Variants in SNX8 observed in about 807,000 individuals in gnomAD.
SNX8 encodes sorting nexin-8.
A neutral mutation model predicts 51.6 loss-of-function variants in SNX8; 25 were observed. The ratio of observed to expected loss-of-function variants is 0.48; its 90% CI spans 0.35 to 0.68. The LOEUF (loss-of-function observed/expected upper bound fraction) is 0.68. SNX8 is among the 30% of genes least tolerant of loss of function. The probability of loss-of-function intolerance (pLI) is 0.00; values close to 1 mark genes in which losing one functional copy is unlikely to be tolerated. For missense variants in SNX8, 695 were observed against 624.0 expected, an observed-to-expected ratio of 1.11 and a Z score of -1.21; for synonymous variants, 324 against 277.0, an observed-to-expected ratio of 1.17 and a Z score of -1.68.
At chr7:2,314,481 G>A (rs1351196194), upstream of SNX8, 4 of 1,179,674 alleles carry the variant, frequency 3.4e-6, no homozygotes, top group African/African-American at 3.2e-5. Context: ...GCCCTGCCGC[G>A]CCGCGCCCTC....
At chr7:2,260,979 C>A (rs1795321284) in intron 7 of SNX8, among the ~76,000 whole-genome samples, 1 of 152,254 alleles carries the variant, frequency 6.6e-6, no homozygotes, top group Admixed American at 6.5e-5. Flanking sequence ...GAGTGATGCT[C>A]ATCCTGAGCT....
intron 1 of SNX8, among the ~76,000 whole-genome samples, chr7:2,350,799 G>A (rs1379588537): frequency 6.6e-6 from 1 of 151,892 alleles, no homozygotes; most frequent in Non-Finnish European, 1.5e-5. Flanking sequence ...GGCGCCTGCG[G>A]CCACACCCGG....
intron 1 of SNX8, among the ~76,000 whole-genome samples, chr7:2,304,588 G>T (rs1292405222): frequency 6.6e-6 from 1 of 152,030 alleles, no homozygotes; most frequent in African/African-American, 2.4e-5. Flanking sequence ...GGGCAGATGG[G>T]AATACGGTCC....
intron 7 of SNX8, among the ~76,000 whole-genome samples, chr7:2,258,423 C>T (rs1562420751): frequency 6.6e-6 from 1 of 152,128 alleles, no homozygotes; most frequent in African/African-American, 2.4e-5. Flanking sequence ...TTCGCAAAGC[C>T]GGCGACTCTC....
At chr7:2,284,615 A>G (rs1208604135) in intron 1 of SNX8, among the ~76,000 whole-genome samples, 2 of 151,242 alleles carry the variant, frequency 1.3e-5, no homozygotes, top group African/African-American at 2.4e-5. Context: ...CACGTTGGCC[A>G]GGCTGGTCTC....
At chr7:2,315,148 T>G (rs1796733523), upstream of SNX8, among the ~76,000 whole-genome samples, 1 of 151,706 alleles carries the variant, frequency 6.6e-6, no homozygotes, top group African/African-American at 2.4e-5. Flanking sequence ...ACTCACTCAC[T>G]GCATCCTGCA....
chr7:2,270,078 C>T (rs928778796), intron 4 of SNX8, among the ~76,000 whole-genome samples: 1 of 152,084 alleles, frequency 6.6e-6, no homozygotes, highest in Non-Finnish European at 1.5e-5. Context: ...CCTGGGAATG[C>T]ATCCATGGCG....
intron 1 of SNX8, among the ~76,000 whole-genome samples, chr7:2,281,937 C>G (rs1562436370): frequency 6.6e-6 from 1 of 152,158 alleles, no homozygotes; most frequent in Non-Finnish European, 1.5e-5. Context: ...CCTCCCCACT[C>G]CAACCCTTCT....
chr7:2,253,635 C>T lies in SNX8; in HGVS notation c.*1421G>A. On this transcript the variant is annotated 3_prime_UTR_variant, in exon 11 of 11. Transcript: ENST00000222990. ...AGCAGAACCCACAGGGCAGGGCAGGCTGGGCCCGAGCCCCACAGCCACCGA... is the reference window on the plus strand; with the variant it reads ...AGCAGAACCCACAGGGCAGGGCAGGTTGGGCCCGAGCCCCACAGCCACCGA... 6.5e-6 allele frequency: 1 copy of T among 152,928 alleles called. No individual in the cohort carries two copies. Among genetic ancestry groups the T allele is most frequent in the Non-Finnish European group, 1.5e-5 (1 of 68,548 alleles). 9.5% of individuals were successfully genotyped at this position (152,928 alleles called of 1,614,324 possible).
At chr7:2,348,902 G>C (rs190706959) in intron 1 of SNX8, among the ~76,000 whole-genome samples, 6 of 137,786 alleles carry the variant, frequency 4.4e-5, no homozygotes, top group Non-Finnish European at 9.1e-5. Flanking sequence ...AGTGAGCAGA[G>C]ATTGTGCCAC....
intron 1 of SNX8, among the ~76,000 whole-genome samples, chr7:2,339,865 C>G (rs1583123950): frequency 6.6e-6 from 1 of 151,990 alleles, no homozygotes; most frequent in Non-Finnish European, 1.5e-5. Context: ...AGAAACGGAA[C>G]CATGTATTTT....
At chr7:2,264,540 C>G in intron 5 of SNX8, 82 bp from the exon 6 acceptor site, 1 of 1,448,610 alleles carries the variant, frequency 6.9e-7, no homozygotes, top group Non-Finnish European at 9.3e-7. Context: ...CCCCCAGAAG[C>G]TGAGCCACGG....
At chr7:2,336,799 A>G (rs12699843) in intron 1 of SNX8, among the ~76,000 whole-genome samples, 78,760 of 151,484 alleles carry the variant, frequency 0.52, 20,707 homozygotes, top group East Asian at 0.76. Flanking sequence ...TTGAGGTCAG[A>G]AGTTCGAGAG....
At chr7:2,256,786 C>A (rs1168000862) in intron 10 of SNX8, 88 bp downstream of exon 10, 1 of 1,406,270 alleles carries the variant, frequency 7.1e-7, no homozygotes, top group Non-Finnish European at 9.6e-7. Flanking sequence ...CTAGGGCGGC[C>A]GGCCACCGCG....
rs558071695 is a variant in SNX8, at chr7:2,352,001, G to T, written c.-66+2221C>A. Reference sequence around the variant, plus strand: ...CCGCTCACTACGCCCTCTGCCTCCAGGGTACAAGTGATTCTCCCGCCTCAG... The same window carrying T: ...CCGCTCACTACGCCCTCTGCCTCCATGGTACAAGTGATTCTCCCGCCTCAG... On this transcript the variant is annotated intron_variant, in intron 1 of 5. Coordinates refer to the SNX8 transcript ENST00000435336. Among the ~76,000 whole-genome samples, 16 of 144,288 alleles carry T rather than the reference G, an allele frequency of 1.1e-4. No individual in the cohort carries two copies. The East Asian group carries it at 3.4e-3, about 31-fold the overall frequency. The allele number at this position is 144,288 out of a possible 152,430, so 94.7% of individuals were successfully genotyped here.
chr7:2,326,794 C>T (rs1778629514), intron 1 of SNX8, among the ~76,000 whole-genome samples: 1 of 151,288 alleles, frequency 6.6e-6, no homozygotes, highest in South Asian at 2.1e-4. Context: ...TATTAGTTTC[C>T]CTGGGGTGCC....
chr7:2,348,136 C>T (rs1211019662), intron 1 of SNX8, among the ~76,000 whole-genome samples: 1 of 151,976 alleles, frequency 6.6e-6, no homozygotes, highest in Admixed American at 6.6e-5. Flanking sequence ...AAAAAGCAAG[C>T]CTAGTTCACA....
intron 1 of SNX8, among the ~76,000 whole-genome samples, chr7:2,300,400 C>T (rs557393460): frequency 1.3e-5 from 2 of 152,280 alleles, no homozygotes; most frequent in Admixed American, 1.3e-4. Context: ...TCAGTAGACA[C>T]GTTGCAAAGC....
At chr7:2,288,123 A>C (rs1306392020) in intron 1 of SNX8, 1 of 152,006 alleles carries the variant, frequency 6.6e-6, no homozygotes, top group East Asian at 1.9e-4. Context: ...CGGGTGGATT[A>C]CCTGAGGTCA....
Sources: gnomAD v4.1 joint callset for allele counts (sites outside exome capture counted in the v4.1 genomes callset) on GRCh38, gnomAD v4.1.1 for gene constraint, MANE v1.5 for transcripts, NCBI Gene and HGNC (gene_info 2026-07-23, HGNC 2026-07-21) for gene names.